NKAIN3: variants seen among roughly 807,000 people sequenced by gnomAD.
The protein encoded by NKAIN3 is sodium/potassium-transporting ATPase subunit beta-1-interacting protein 3.
In NKAIN3, 25 loss-of-function variants were observed where a neutral mutation model predicts 30.2. That is an observed-to-expected ratio of 0.83 (90% CI 0.60 to 1.16). The LOEUF (loss-of-function observed/expected upper bound fraction) is 1.16, where lower values mean the gene tolerates loss of function less well. Ranked by LOEUF, NKAIN3 falls within the 50% of genes most tolerant of loss-of-function variation. NKAIN3 has a pLI of 0.00. For missense variants in NKAIN3, 225 were observed against 254.1 expected (o/e 0.89, Z 0.78); for synonymous variants, 91 against 89.6 (o/e 1.02, Z -0.09).
intron 4 of NKAIN3, among the ~76,000 whole-genome samples, chr8:62,807,165 G>A (rs62509367): frequency 0.016 from 2,371 of 152,272 alleles, 31 homozygotes; most frequent in Non-Finnish European, 0.024. Context: ...TTGTTATAAT[G>A]TATTTCAAGC....
intron 3 of NKAIN3, among the ~76,000 whole-genome samples, chr8:62,659,385 T>A (rs1383496198): frequency 1.3e-5 from 2 of 152,358 alleles, no homozygotes; most frequent in East Asian, 3.9e-4. Flanking sequence ...GTTATTATAT[T>A]TACCTCATAA....
intron 3 of NKAIN3, among the ~76,000 whole-genome samples, chr8:62,676,158 AGAGT>A (rs1432002911): frequency 7.2e-5 from 11 of 152,234 alleles, no homozygotes; most frequent in African/African-American, 2.7e-4. Context: ...AAGCTCAGAG[AGAGT>A]AAGTAACTTG....
At chr8:62,334,699 A>G (rs1016816022) in intron 1 of NKAIN3, among the ~76,000 whole-genome samples, 15 of 152,102 alleles carry the variant, frequency 9.9e-5, no homozygotes. Context: ...TTTGTTATAT[A>G]TCAGGATTCT....
At chr8:62,719,405 T>G (rs1276555358) in intron 3 of NKAIN3, among the ~76,000 whole-genome samples, 1 of 152,210 alleles carries the variant, frequency 6.6e-6, no homozygotes, top group African/African-American at 2.4e-5. Context: ...CTGGGAACCA[T>G]AAGAAACTAA....
chr8:62,855,672 G>C (rs576169476), intron 4 of NKAIN3: 8 of 1,603,826 alleles, frequency 5.0e-6, no homozygotes, highest in African/African-American at 2.7e-5. Context: ...TGCAGCCCAG[G>C]GTTCTCAAAG....
chr8:62,385,811 T>G (rs1303443218), intron 1 of NKAIN3, among the ~76,000 whole-genome samples: 3 of 152,208 alleles, frequency 2.0e-5, no homozygotes, highest in Non-Finnish European at 2.9e-5. Flanking sequence ...TGGTCTGGCT[T>G]CTTTCACTTA....
chr8:62,359,618 T>A (rs1816483987), intron 1 of NKAIN3, among the ~76,000 whole-genome samples: 1 of 152,172 alleles, frequency 6.6e-6, no homozygotes, highest in Non-Finnish European at 1.5e-5. Flanking sequence ...AACAGATAGC[T>A]CATTCCACTA....
At chr8:62,809,832 G>A (rs1443784557) in intron 4 of NKAIN3, among the ~76,000 whole-genome samples, 1 of 152,168 alleles carries the variant, frequency 6.6e-6, no homozygotes, top group Non-Finnish European at 1.5e-5. Flanking sequence ...CTGAGAAACG[G>A]CATTTGCCTG....
intron 5 of NKAIN3, among the ~76,000 whole-genome samples, chr8:62,919,150 T>G (rs938467755): frequency 2.6e-5 from 4 of 151,616 alleles, no homozygotes; most frequent in Admixed American, 6.6e-5. Flanking sequence ...ATGACTTTCA[T>G]TGAGTACCTG....
At chr8:62,339,819 G>A (rs561387447) in intron 1 of NKAIN3, among the ~76,000 whole-genome samples, 7 of 151,910 alleles carry the variant, frequency 4.6e-5, no homozygotes, top group African/African-American at 7.3e-5. Flanking sequence ...ATGTAAGAAC[G>A]GTGGGCTGAT....
At chr8:62,354,573 A>G (rs1450991238) in intron 1 of NKAIN3, among the ~76,000 whole-genome samples, 1 of 152,028 alleles carries the variant, frequency 6.6e-6, no homozygotes, top group Non-Finnish European at 1.5e-5. Flanking sequence ...CCTCCTGAGT[A>G]GCTGGGACTA....
chr8:62,280,076 A>C (rs1425343949), intron 1 of NKAIN3, among the ~76,000 whole-genome samples: 1 of 152,114 alleles, frequency 6.6e-6, no homozygotes, highest in Non-Finnish European at 1.5e-5. Flanking sequence ...GTTCCCCTTG[A>C]AGAGGTCCTT....
chr8:62,748,710 A>G (rs1186204614), intron 4 of NKAIN3, among the ~76,000 whole-genome samples: 1 of 152,256 alleles, frequency 6.6e-6, no homozygotes, highest in Non-Finnish European at 1.5e-5. Flanking sequence ...AAGATCTTTT[A>G]GAGTTCTAGT....
chr8:62,721,142 C>T (rs1406916346), intron 3 of NKAIN3, among the ~76,000 whole-genome samples: 1 of 152,138 alleles, frequency 6.6e-6, no homozygotes, highest in Admixed American at 6.5e-5. Context: ...TAAAATATCC[C>T]TGTAGCAGAG....
At chr8:62,454,301 C>CAAAAGAAAAAAAAAAAAAAAAAAA (rs1805742470) in intron 1 of NKAIN3, among the ~76,000 whole-genome samples, 1 of 56,152 alleles carries the variant, frequency 1.8e-5, no homozygotes, top group Non-Finnish European at 3.8e-5. Context: ...AGCTGATGTG[C>CAAAAGAAAAAAAAAAAAAAAAAAA]AAAAAAAAAA....
rs772623700 is a variant in NKAIN3 at position 62,966,498 on chromosome 8, A to G, written c.*1091A>G. ...AATGGTACGATTTGATTAGTTTTGA[A>G]AAATGTACATACCCATGTAACCAAG... On this transcript the variant is annotated 3_prime_UTR_variant, in exon 7 of 7. Transcript: ENST00000623646. 1.7e-5 allele frequency: 10 copies of G among 584,388 alleles called. No individual in the cohort carries two copies. Among genetic ancestry groups the G allele is most frequent in the Non-Finnish European group, 2.2e-5 (10 of 463,730 alleles). 36.2% of individuals were successfully genotyped at this position (584,388 alleles called of 1,614,324 possible).
intron 4 of NKAIN3, among the ~76,000 whole-genome samples, chr8:62,845,071 C>T (rs543562173): frequency 7.3e-5 from 11 of 151,448 alleles, no homozygotes; most frequent in East Asian, 3.9e-4. Flanking sequence ...ACCACTGCCC[C>T]GACCTAGAAC....
At position 62,451,811 on chromosome 8, in the gene NKAIN3, G is replaced by T. The variant is rs925624442; in HGVS notation, c.55-127728G>T. ...TCAGATTTGTATAATATTAAAGCTCGAAGAGCCTAGAAAGCTTCAGAAATG... is the reference window on the plus strand; with the variant it reads ...TCAGATTTGTATAATATTAAAGCTCTAAGAGCCTAGAAAGCTTCAGAAATG... On this transcript the variant is annotated intron_variant, in intron 1 of 6. Transcript: ENST00000623646. Among the ~76,000 whole-genome samples, 9 of 152,072 alleles carry T rather than the reference G, an allele frequency of 5.9e-5. No homozygotes were observed. The South Asian group carries it at 1.9e-3, about 31-fold the overall frequency.
intron 3 of NKAIN3, among the ~76,000 whole-genome samples, chr8:62,638,240 TA>T (rs1389281676): frequency 6.6e-6 from 1 of 152,140 alleles, no homozygotes; most frequent in Non-Finnish European, 1.5e-5. Context: ...TGATTTTGGA[TA>T]AAAACCCATC....
Sources: allele counts gnomAD v4.1 joint callset (sites outside exome capture counted in the v4.1 genomes callset), GRCh38; gene constraint gnomAD v4.1.1; transcripts MANE v1.5; gene names NCBI Gene and HGNC (gene_info 2026-07-23, HGNC 2026-07-21).